Variants in POLK observed in about 807,000 individuals in gnomAD.
POLK encodes the protein DNA polymerase kappa, also known as polymerase (DNA directed) kappa.
Under a neutral mutation model 94.0 loss-of-function variants are expected in POLK, and 76 were observed. That is an observed-to-expected ratio of 0.81 (90% CI 0.67 to 0.98). The LOEUF is 0.98. POLK is among the 50% of genes least tolerant of loss of function. The pLI, the probability that POLK is intolerant of heterozygous loss-of-function variation, is 0.00. For synonymous variants in POLK, 349 were observed against 325.4 expected (o/e 1.07, Z -0.78); for missense variants, 954 against 1,010.1 (o/e 0.94, Z 0.75).
At chr5:75,596,351 A>G (rs759880142) in exon 13 of POLK, 3 of 1,613,314 alleles carry the variant, frequency 1.9e-6, no homozygotes, top group South Asian at 1.1e-5. Flanking sequence ...ACTGACAAAG[A>G]TAAGTTTGTA....
rs751308008 is a variant in POLK, at chr5:75,573,886, C to A, written c.540+17C>A. On this transcript the variant is annotated intron_variant, in intron 5 of 14. Transcript: ENST00000241436. Reference sequence around the variant, plus strand: ...AGTAAAGAGGTAAGTTAATGTCTCACCCCTACTTTAGGCTTTCACTGAGTT... The same window carrying A: ...AGTAAAGAGGTAAGTTAATGTCTCAACCCTACTTTAGGCTTTCACTGAGTT... 6.2e-7 allele frequency: 1 copy of A among 1,612,198 alleles called. No individual in the cohort carries two copies.
At chr5:75,579,227 C>T (rs1032504593) in intron 6 of POLK, among the ~76,000 whole-genome samples, 25 of 152,042 alleles carry the variant, frequency 1.6e-4, no homozygotes, top group Admixed American at 1.3e-4. Context: ...CTCTGCAGAA[C>T]GGGTTTATGA....
chr5:75,564,152 C>T (rs1771139299), intron 3 of POLK, among the ~76,000 whole-genome samples: 1 of 152,024 alleles, frequency 6.6e-6, no homozygotes, highest in African/African-American at 2.4e-5. Flanking sequence ...TATGTAATGC[C>T]CTTCTTTGTC....
At chr5:75,516,272 T>C (rs1450261932) in intron 1 of POLK, among the ~76,000 whole-genome samples, 1 of 152,184 alleles carries the variant, frequency 6.6e-6, no homozygotes, top group Non-Finnish European at 1.5e-5. Context: ...TCAGTGCTTT[T>C]GTGGTCTTAC....
the POLK span, among the ~76,000 whole-genome samples, chr5:75,608,197 A>AT: frequency 0.026 from 3,847 of 145,538 alleles, 135 homozygotes; most frequent in African/African-American, 0.083. Flanking sequence ...AACTTAATTA[A>AT]TTTTTTTTTT....
At chr5:75,520,148 A>C (rs1343121973) in intron 1 of POLK, among the ~76,000 whole-genome samples, 1 of 152,216 alleles carries the variant, frequency 6.6e-6, no homozygotes, top group Non-Finnish European at 1.5e-5. Context: ...AAAAAATAGA[A>C]ACTAACAAAG....
chr5:75,543,439 A>G (rs1418070195), intron 1 of POLK, among the ~76,000 whole-genome samples: 6 of 152,130 alleles, frequency 3.9e-5, no homozygotes, highest in Non-Finnish European at 8.8e-5. Flanking sequence ...GTGTATGAGA[A>G]AGAGAGGGGT....
intron 4 of POLK, among the ~76,000 whole-genome samples, chr5:75,569,951 G>A (rs1051279193): frequency 2.6e-5 from 4 of 152,164 alleles, no homozygotes; most frequent in Non-Finnish European, 4.4e-5. Context: ...CCCCAGATGG[G>A]ATTCTCTAAT....
At chr5:75,511,109 C>G (rs1315421885), upstream of POLK, 2 of 1,556,614 alleles carry the variant, frequency 1.3e-6, no homozygotes, top group Non-Finnish European at 1.7e-6. Flanking sequence ...AGGGGTTGCT[C>G]ACCTTACTGA....
intron 3 of POLK, among the ~76,000 whole-genome samples, chr5:75,563,590 C>T (rs189752813): frequency 6.6e-6 from 1 of 152,176 alleles, no homozygotes; most frequent in African/African-American, 2.4e-5. Flanking sequence ...GATTCTGGTA[C>T]ATTGTGTCTT....
At chr5:75,550,201 A>G (rs1244667083) in intron 2 of POLK, among the ~76,000 whole-genome samples, 1 of 152,206 alleles carries the variant, frequency 6.6e-6, no homozygotes, top group Non-Finnish European at 1.5e-5. Flanking sequence ...AGTCCTCAAC[A>G]AAATATTAGA....
intron 3 of POLK, among the ~76,000 whole-genome samples, chr5:75,553,441 TTTTC>T (rs1770429524): frequency 6.6e-6 from 1 of 152,162 alleles, no homozygotes; most frequent in African/African-American, 2.4e-5. Context: ...AAATTTTATG[TTTTC>T]TTTATCAAAC....
chr5:75,546,971 A>T, intron 1 of POLK, 39 bp from the exon 2 acceptor site: 1 of 1,180,430 alleles, frequency 8.5e-7, no homozygotes, highest in Middle Eastern at 2.2e-4. Context: ...CTGGCCACAG[A>T]TGGTTTTAAA....
chr5:75,557,035 C>CA (rs1464724656), intron 3 of POLK, among the ~76,000 whole-genome samples: 2 of 152,052 alleles, frequency 1.3e-5, no homozygotes, highest in Admixed American at 6.5e-5. Context: ...TGCACTCCAG[C>CA]CTGGGCAACA....
chr5:75,516,412 A>G (rs1437922434), intron 1 of POLK, among the ~76,000 whole-genome samples: 1 of 152,178 alleles, frequency 6.6e-6, no homozygotes, highest in Non-Finnish European at 1.5e-5. Flanking sequence ...GGGAGACCCT[A>G]CTTTTGCAAA....
chr5:75,564,357 C>G (rs952918932), intron 3 of POLK, among the ~76,000 whole-genome samples: 9 of 152,040 alleles, frequency 5.9e-5, no homozygotes, highest in Admixed American at 3.9e-4. Flanking sequence ...ATAGAGCACA[C>G]TGATGGGTCT....
chr5:75,559,628 C>G (rs781636093), intron 3 of POLK, among the ~76,000 whole-genome samples: 114 of 141,908 alleles, frequency 8.0e-4, no homozygotes, highest in Non-Finnish European at 1.5e-3. Flanking sequence ...CCTCCAACTA[C>G]TGGGCTCAAA....
chr5:75,574,339 GCTGT>G (rs944218715), intron 5 of POLK, among the ~76,000 whole-genome samples: 1 of 151,988 alleles, frequency 6.6e-6, no homozygotes, highest in African/African-American at 2.4e-5. Context: ...ATAATCATTT[GCTGT>G]CTAAGAGACT....
At chr5:75,536,650 G>C (rs1381335120) in intron 1 of POLK, among the ~76,000 whole-genome samples, 1 of 152,052 alleles carries the variant, frequency 6.6e-6, no homozygotes, top group Non-Finnish European at 1.5e-5. Flanking sequence ...TGGGACAATA[G>C]TAGGCTGTGC....
Sources: allele counts gnomAD v4.1 joint callset (sites outside exome capture counted in the v4.1 genomes callset), GRCh38; gene constraint gnomAD v4.1.1; transcripts MANE v1.5; gene names NCBI Gene and HGNC (gene_info 2026-07-23, HGNC 2026-07-21).